GGH: variants seen among roughly 807,000 people sequenced by gnomAD.
GGH encodes gamma-glutamyl hydrolase, also known as gamma-Glu-X carboxypeptidase.
A neutral mutation model predicts 39.2 loss-of-function variants in GGH; 18 were observed. That is an observed-to-expected ratio of 0.46 (90% CI 0.32 to 0.68). The LOEUF is 0.68. GGH is among the 30% of genes least tolerant of loss of function. The pLI, the probability that GGH is intolerant of heterozygous loss-of-function variation, is 0.04. For synonymous variants in GGH, 147 were observed against 138.8 expected (o/e 1.06, Z -0.42); for missense variants, 367 against 384.1 (o/e 0.96, Z 0.37).
intron 2 of GGH, 148 bp downstream of exon 2, chr8:63,035,508 G>A: frequency 8.8e-7 from 1 of 1,138,972 alleles, no homozygotes; most frequent in Non-Finnish European, 1.2e-6. Flanking sequence ...GCTTCACCAG[G>A]TTGGCCTGGC....
At chr8:63,030,690 A>G (rs1804786742) in intron 2 of GGH, among the ~76,000 whole-genome samples, 1 of 152,148 alleles carries the variant, frequency 6.6e-6, no homozygotes, top group Non-Finnish European at 1.5e-5. Context: ...CCAACAAACT[A>G]GTTGCAACAG....
intron 4 of GGH, among the ~76,000 whole-genome samples, chr8:63,026,774 G>C (rs758548360): frequency 3.9e-5 from 6 of 152,082 alleles, no homozygotes; most frequent in Non-Finnish European, 4.4e-5. Flanking sequence ...TTGACATGGA[G>C]TCTATGGTAA....
intron 2 of GGH, among the ~76,000 whole-genome samples, chr8:63,035,289 G>A (rs1284508793): frequency 1.3e-5 from 2 of 152,102 alleles, no homozygotes; most frequent in East Asian, 3.9e-4. Flanking sequence ...GAGAAAGCAC[G>A]AATTTTAGAG....
chr8:63,029,786 A>G (rs1030450853), intron 3 of GGH, among the ~76,000 whole-genome samples: 2 of 151,970 alleles, frequency 1.3e-5, no homozygotes, highest in Admixed American at 6.6e-5. Flanking sequence ...ATTTTTTCCC[A>G]ATTTACCTGA....
chr8:63,020,718 T>G (rs1317975274), intron 7 of GGH, among the ~76,000 whole-genome samples: 2 of 152,070 alleles, frequency 1.3e-5, no homozygotes, highest in Non-Finnish European at 2.9e-5. Flanking sequence ...GGACTGTGTG[T>G]AGCAAACAGG....
intron 7 of GGH, among the ~76,000 whole-genome samples, chr8:63,018,805 T>C (rs1008701289): frequency 6.6e-6 from 1 of 152,204 alleles, no homozygotes; most frequent in Non-Finnish European, 1.5e-5. Flanking sequence ...ATTTTTGTCC[T>C]CAATAATGCT....
chr8:63,031,998 G>A (rs1187846259), intron 2 of GGH, among the ~76,000 whole-genome samples: 1 of 152,152 alleles, frequency 6.6e-6, no homozygotes, highest in African/African-American at 2.4e-5. Flanking sequence ...GTCTTCAAAA[G>A]AAACAAAAAT....
At chr8:63,034,882 T>A (rs1165059442) in intron 2 of GGH, among the ~76,000 whole-genome samples, 3 of 152,182 alleles carry the variant, frequency 2.0e-5, no homozygotes, top group Non-Finnish European at 4.4e-5. Flanking sequence ...TCATTAAAAT[T>A]TTTTTCTTAT....
intron 5 of GGH, chr8:63,025,149 T>G (rs1214734243): frequency 6.6e-6 from 1 of 152,238 alleles, no homozygotes; most frequent in Non-Finnish European, 1.5e-5. Flanking sequence ...CCTGGGTTCC[T>G]GACAGGAAGC....
At chr8:63,027,309 C>T (rs377550396) in intron 3 of GGH, 44 bp from the exon 4 acceptor site, 51 of 978,374 alleles carry the variant, frequency 5.2e-5, no homozygotes, top group Non-Finnish European at 6.6e-5. Flanking sequence ...ATTTTGCCAC[C>T]CCCGACCCAT....
chr8:63,035,624 A>G (rs745730050), intron 2 of GGH, 32 bp downstream of exon 2: 1 of 1,563,768 alleles, frequency 6.4e-7, no homozygotes, highest in East Asian at 2.3e-5. Flanking sequence ...TTTTATACAG[A>G]GTAAAAAAAA....
rs776001759 is a variant in GGH at position 63,017,497 on chromosome 8, A to T, written c.831T>A (p.Asn277Lys). 6.2e-7 allele frequency: 1 copy of T among 1,607,958 alleles called. No individual in the cohort carries two copies. Among genetic ancestry groups the T allele is most frequent in the South Asian group, 1.1e-5 (1 of 89,618 alleles). The part of the protein sequence containing the change: ...TAFYLAEFFV[N>K]EARKNNHHFK... ...AATTATGTACCCTCATATTACCTTC[A>T]TTAACAAAAAACTCTGCTAAATAAA... Residue 277 changes from asparagine (N) to lysine (K), a missense_variant, in exon 8 of 9, where the codon AAT (asparagine) becomes AAA (lysine). Asn to Lys is a moderately conservative substitution (Grantham distance 94). Transcript: ENST00000260118.
Position 63,038,710 on chromosome 8 carries a change from C to T in GGH, c.59G>A (p.Ser20Asn), listed in dbSNP as rs1804960680. 1.9e-6 allele frequency: 3 copies of T among 1,584,026 alleles called. No individual in the cohort carries two copies. The highest frequency in any genetic ancestry group is 2.3e-5 in the East Asian group (1 of 43,104). The change falls in exon 1 of 9, where the codon AGC becomes AAC. Residue 20 changes from serine to asparagine, a missense_variant. By Grantham distance (46) the Ser-to-Asn change is conservative. Transcript: ENST00000260118. ...GCCGTGGGGTCTAGACAGCTCGAGG[C>T]TCGCCGCCCCGCAGAGTAGCAGGCC... is the stretch of plus-strand genomic sequence containing the variant. ...VLGLLLCGAA[S>N]LELSRPHGDT... is the part of the protein sequence containing the mutation.
At chr8:63,038,054 T>C (rs932368522) in intron 1 of GGH, among the ~76,000 whole-genome samples, 2 of 152,234 alleles carry the variant, frequency 1.3e-5, no homozygotes, top group African/African-American at 4.8e-5. Flanking sequence ...GTCTCAAATG[T>C]GTGTTTTGGT....
At chr8:63,026,057 G>C in intron 5 of GGH, 101 bp downstream of exon 5, 1 of 942,692 alleles carries the variant, frequency 1.1e-6, no homozygotes, top group South Asian at 1.9e-5. Context: ...CAGGGAAAAG[G>C]CTAAAAAGAA....
rs777086398 is a variant in GGH, at chr8:63,023,916, T to C, written c.688A>G (p.Thr230Ala). Reference sequence around the variant, plus strand: ...TGTTATAGTGATATACCTTCCATTGTTGAAATAAACTCAATCTTGCCATCT... The same window carrying C: ...TGTTATAGTGATATACCTTCCATTGCTGAAATAAACTCAATCTTGCCATCT... ...NTDGKIEFIS[T>A]MEGYKYPVYG... Residue 230 changes from threonine (T) to alanine (A), a missense_variant, in exon 7 of 9, where the codon ACA becomes GCA. By Grantham distance (58) the Thr-to-Ala change is moderately conservative. Coordinates refer to ENST00000260118, the MANE Select transcript of GGH (RefSeq NM_003878.3). 5.7e-6 allele frequency: 9 copies of C among 1,574,424 alleles called. No homozygotes were observed. Among genetic ancestry groups the C allele is most frequent in the Admixed American group, 1.8e-5 (1 of 56,004 alleles).
chr8:63,020,909 T>G (rs1390545483), intron 7 of GGH, among the ~76,000 whole-genome samples: 1 of 151,390 alleles, frequency 6.6e-6, no homozygotes, highest in Non-Finnish European at 1.5e-5. Context: ...TGTGGAAGCC[T>G]TAAGAGGCTG....
At chr8:63,022,328 T>C (rs1302131467) in intron 7 of GGH, among the ~76,000 whole-genome samples, 1 of 152,150 alleles carries the variant, frequency 6.6e-6, no homozygotes, top group African/African-American at 2.4e-5. Context: ...CTGTCCTACT[T>C]TTTCCCATTC....
intron 1 of GGH, 70 bp downstream of exon 1, chr8:63,038,563 CCGGCGGGACGCGCCAGCTGGAGCGCGG>C: frequency 8.2e-6 from 5 of 609,486 alleles, no homozygotes; most frequent in African/African-American, 1.9e-5. Flanking sequence ...GGGGTTTTTC[CCGGCGGGACGCGCCAGCTGGAGCGCGG>C]CGGCGGGAGG....
Sources: allele counts gnomAD v4.1 joint callset (sites outside exome capture counted in the v4.1 genomes callset), GRCh38; gene constraint gnomAD v4.1.1; transcripts MANE v1.5; gene names NCBI Gene and HGNC (gene_info 2026-07-23, HGNC 2026-07-21).